Variants in RSRC1 observed in about 807,000 individuals in gnomAD.
RSRC1 encodes the protein arginine and serine rich coiled-coil 1, also known as serine/Arginine-related protein 53.
Under a neutral mutation model 49.1 loss-of-function variants are expected in RSRC1, and 39 were observed. That is an observed-to-expected ratio of 0.79 (90% CI 0.61 to 1.04). RSRC1 has a LOEUF of 1.04. RSRC1 is among the 50% of genes least tolerant of loss of function. The pLI is 0.00. For synonymous variants in RSRC1, 143 were observed against 130.8 expected, an observed-to-expected ratio of 1.09 and a Z score of -0.63; for missense variants, 388 against 402.4, an observed-to-expected ratio of 0.96 and a Z score of 0.31.
intron 5 of RSRC1, among the ~76,000 whole-genome samples, chr3:158,326,712 A>C (rs1379855853): frequency 3.3e-5 from 5 of 152,158 alleles, no homozygotes; most frequent in South Asian, 2.1e-4. Context: ...TGTCTCTGCC[A>C]GGCTTTGGTA....
chr3:158,436,769 A>G (rs1736064107), intron 6 of RSRC1, among the ~76,000 whole-genome samples: 1 of 151,976 alleles, frequency 6.6e-6, no homozygotes, highest in South Asian at 2.1e-4. Flanking sequence ...TATAAATACA[A>G]TATGCTACCC....
intron 4 of RSRC1, among the ~76,000 whole-genome samples, chr3:158,235,024 G>A (rs1723163515): frequency 6.6e-6 from 1 of 152,034 alleles, no homozygotes; most frequent in South Asian, 2.1e-4. Flanking sequence ...AGAACAGCAG[G>A]GTTACACAGA....
intron 6 of RSRC1, among the ~76,000 whole-genome samples, chr3:158,444,417 C>G (rs1242848790): frequency 1.3e-5 from 2 of 152,098 alleles, no homozygotes; most frequent in Non-Finnish European, 1.5e-5. Context: ...AAAGGATTCC[C>G]TATTTAATAA....
chr3:158,238,354 T>A (rs916462800), intron 4 of RSRC1, among the ~76,000 whole-genome samples: 1 of 151,972 alleles, frequency 6.6e-6, no homozygotes, highest in Non-Finnish European at 1.5e-5. Context: ...TTCACAGAAT[T>A]GGAAAAAACT....
intron 4 of RSRC1, among the ~76,000 whole-genome samples, chr3:158,252,297 G>T (rs917679409): frequency 3.3e-5 from 5 of 151,756 alleles, no homozygotes; most frequent in African/African-American, 1.2e-4. Context: ...AAGTAGCTGG[G>T]ACTACAGGCA....
rs549442892 is a variant in RSRC1, at chr3:158,263,878, C to T, written c.495-34161C>T. ...CTTTTAGCGTCTGTAGAGTCTACAC[C>T]GATGTCACTTCGTTTATTTCTTATA... is the stretch of plus-strand genomic sequence containing the variant. On this transcript the variant is annotated intron_variant, in intron 4 of 9. Coordinates refer to ENST00000611884, the MANE Select transcript of RSRC1 (RefSeq NM_001271838.2). Among the ~76,000 whole-genome samples the T allele has an allele frequency of 3.9e-4, 60 of 152,140 alleles. 1 individual carries two copies. The Middle Eastern group carries it at 0.01, about 26-fold the overall frequency.
At chr3:158,414,582 C>T (rs1369891517) in intron 6 of RSRC1, among the ~76,000 whole-genome samples, 1 of 151,888 alleles carries the variant, frequency 6.6e-6, no homozygotes, top group Non-Finnish European at 1.5e-5. Flanking sequence ...TAAAGCCAGG[C>T]CTGGTGGCAC....
At chr3:158,513,831 C>T (rs1467463067) in intron 7 of RSRC1, among the ~76,000 whole-genome samples, 1 of 152,186 alleles carries the variant, frequency 6.6e-6, no homozygotes, top group Non-Finnish European at 1.5e-5. Flanking sequence ...TCAACTTCTT[C>T]CTGGTTTACT....
At chr3:158,136,370 G>A (rs756269833) in intron 3 of RSRC1, among the ~76,000 whole-genome samples, 2 of 151,956 alleles carry the variant, frequency 1.3e-5, no homozygotes, top group African/African-American at 2.4e-5. Flanking sequence ...AATTAAATCC[G>A]CTAAAAGGAA....
intron 7 of RSRC1, among the ~76,000 whole-genome samples, chr3:158,521,620 T>C (rs1053836576): frequency 6.6e-6 from 1 of 152,170 alleles, no homozygotes; most frequent in African/African-American, 2.4e-5. Flanking sequence ...TATCATTAGT[T>C]GTGAAGCTAG....
At chr3:158,162,667 C>A (rs1210134192) in intron 3 of RSRC1, among the ~76,000 whole-genome samples, 1 of 152,078 alleles carries the variant, frequency 6.6e-6, no homozygotes, top group Non-Finnish European at 1.5e-5. Context: ...GATACAGGGC[C>A]TGGAGGAAAT....
chr3:158,518,759 A>T (rs1038527473), intron 7 of RSRC1, among the ~76,000 whole-genome samples: 2 of 152,086 alleles, frequency 1.3e-5, no homozygotes, highest in African/African-American at 4.8e-5. Flanking sequence ...TCAACCGACC[A>T]CACTATTCTT....
Position 158,539,088 on chromosome 3 carries a change from T to C in RSRC1, c.759+1890T>C, listed in dbSNP as rs574387969. Among the ~76,000 whole-genome samples the C allele has an allele frequency of 2.3e-4, 30 of 129,778 alleles. No individual in the cohort carries two copies. The highest frequency in any genetic ancestry group is 8.3e-4 in the African/African-American group (27 of 32,546). The allele number at this position is 129,778 out of a possible 152,430, so 85.1% of individuals were successfully genotyped here. ...GATCATGGAAGGATATGATGGACTA[T>C]CCCTAATGCATAGCAAGGATTTAAC... is the stretch of plus-strand genomic sequence containing the variant. On this transcript the variant is annotated intron_variant, in intron 8 of 9. Transcript: ENST00000611884. The surrounding 1 kb of genome is among the most constrained non-coding windows in gnomAD (Gnocchi z 4.1).
At chr3:158,351,590 T>C (rs1364871176) in intron 5 of RSRC1, among the ~76,000 whole-genome samples, 1 of 152,132 alleles carries the variant, frequency 6.6e-6, no homozygotes, top group Non-Finnish European at 1.5e-5. Flanking sequence ...AAGTGTATTA[T>C]TTTGGACAAT....
At chr3:158,125,906 A>G (rs1344100663) in intron 3 of RSRC1, among the ~76,000 whole-genome samples, 9 of 152,166 alleles carry the variant, frequency 5.9e-5, no homozygotes, top group Non-Finnish European at 1.2e-4. Flanking sequence ...GCATATATAT[A>G]TAATTGTTAT....
intron 1 of RSRC1, among the ~76,000 whole-genome samples, chr3:158,116,616 C>G (rs1225528757): frequency 2.6e-5 from 4 of 151,902 alleles, no homozygotes; most frequent in African/African-American, 9.7e-5. Flanking sequence ...TTGATTTGTG[C>G]TAAGGTGCCA....
intron 5 of RSRC1, among the ~76,000 whole-genome samples, chr3:158,345,616 A>G (rs903640372): frequency 6.6e-6 from 1 of 152,046 alleles, no homozygotes; most frequent in African/African-American, 2.4e-5. Flanking sequence ...CCAAAACTGC[A>G]TTGAAAAAGA....
intron 3 of RSRC1, among the ~76,000 whole-genome samples, chr3:158,159,324 A>G (rs552806344): frequency 6.6e-6 from 1 of 152,220 alleles, no homozygotes; most frequent in African/African-American, 2.4e-5. Flanking sequence ...TCCAGAACAG[A>G]ATGTGATGGC....
intron 6 of RSRC1, among the ~76,000 whole-genome samples, chr3:158,434,140 C>A (rs1040537464): frequency 6.6e-6 from 1 of 151,902 alleles, no homozygotes; most frequent in Non-Finnish European, 1.5e-5. Context: ...GAGGCCATTC[C>A]CTTTCAGCTC....
Sources: gnomAD v4.1 joint callset for allele counts (sites outside exome capture counted in the v4.1 genomes callset) on GRCh38, gnomAD v4.1.1 for gene constraint, Gnocchi (gnomAD v3.1) non-coding constraint, MANE v1.5 for transcripts, NCBI Gene and HGNC (gene_info 2026-07-23, HGNC 2026-07-21) for gene names.